The following GDNF variants were observed in gnomAD, a reference collection of about 807,000 sequenced individuals.
The protein encoded by GDNF is glial cell line-derived neurotrophic factor.
In GDNF, 5 loss-of-function variants were observed where a neutral mutation model predicts 13.7. The observed-to-expected ratio is 0.36, with a 90% CI of 0.19 to 0.77. The LOEUF is 0.77. GDNF is among the 30% of genes least tolerant of loss of function. The probability of loss-of-function intolerance (pLI) is 0.51; values close to 1 mark genes in which losing one functional copy is unlikely to be tolerated. For missense variants in GDNF, 246 were observed against 274.3 expected (o/e 0.90, Z 0.73); for synonymous variants, 122 against 112.5 (o/e 1.08, Z -0.53).
rs1390962853 is a variant in GDNF, at chr5:37,813,999, A to C, written c.*1652T>G. On this transcript the variant is annotated 3_prime_UTR_variant, in exon 3 of 3. Coordinates refer to ENST00000326524, the MANE Select transcript of GDNF (RefSeq NM_000514.4). ...AGGGAGCTGTCAGGTGTTTGGGTAT[A>C]TAGGAGCAGCAGCTGTTGACCCCCG... 2.0e-5 allele frequency: 3 copies of C among 152,742 alleles called. No individual in the cohort carries two copies. The East Asian group carries it at 5.8e-4, about 29-fold the overall frequency. The allele number at this position is 152,742 out of a possible 1,614,324, so 9.5% of individuals were successfully genotyped here.
rs1749870811 is a variant in GDNF, at chr5:37,815,330, CA to C, written c.*320del. ...GGTAATCAGTGATGGTGGACTGTATCAGCTGAAATGGTGGCAATAGCCAACC... is the reference window on the plus strand; with the variant it reads ...GGTAATCAGTGATGGTGGACTGTATCGCTGAAATGGTGGCAATAGCCAACC... On this transcript the variant is annotated 3_prime_UTR_variant, in exon 3 of 3. Transcript: ENST00000326524. The surrounding 1 kb of genome is among the most constrained non-coding windows in gnomAD (Gnocchi z 5.0). 2.3e-6 allele frequency: 1 copy of C among 434,800 alleles called. No homozygotes were observed. Among genetic ancestry groups the C allele is most frequent in the Admixed American group, 3.7e-5 (1 of 27,186 alleles). 26.9% of individuals were successfully genotyped at this position (434,800 alleles called of 1,614,324 possible).
At chr5:37,833,414 A>G (rs898762785) in intron 2 of GDNF, among the ~76,000 whole-genome samples, 10 of 152,268 alleles carry the variant, frequency 6.6e-5, no homozygotes, top group African/African-American at 2.4e-4. Flanking sequence ...AGGATTAACC[A>G]TGTTCCCTAA....
rs1000692685 is a variant in GDNF, at chr5:37,815,373, A to G, written c.*278T>C. The G allele has an allele frequency of 3.9e-6, 2 of 513,062 alleles. No homozygotes were observed. Among genetic ancestry groups the G allele is most frequent in the Non-Finnish European group, 7.1e-6 (2 of 282,744 alleles). The allele number at this position is 513,062 out of a possible 1,614,324, so 31.8% of individuals were successfully genotyped here. ...TAGCCAACCAGGAACATCAGCCCTG[A>G]GCTTCTAGTGACATCGGCTGCCATC... is the stretch of plus-strand genomic sequence containing the variant. On this transcript the variant is annotated 3_prime_UTR_variant, in exon 3 of 3. Transcript: ENST00000326524. This position sits in a 1 kb window ranked among gnomAD's most constrained non-coding sequence, Gnocchi z 5.0.
At chr5:37,819,879 TA>T (rs145804363) in intron 2 of GDNF, among the ~76,000 whole-genome samples, 2,518 of 151,112 alleles carry the variant, frequency 0.017, 25 homozygotes, top group Non-Finnish European at 0.027. Context: ...ACAATTGACT[TA>T]AAAAAAAATG....
chr5:37,835,315 TA>T, intron 1 of GDNF: 1 of 548,122 alleles, frequency 1.8e-6, no homozygotes, highest in Non-Finnish European at 2.9e-6. Context: ...TCTTTGGAAA[TA>T]AAATCAAGCG....
chr5:37,821,283 G>C (rs1315454976), intron 2 of GDNF, among the ~76,000 whole-genome samples: 1 of 152,200 alleles, frequency 6.6e-6, no homozygotes, highest in African/African-American at 2.4e-5. Context: ...GGGAAAAGAA[G>C]AGGGGTCTGG....
rs1750740581 is a variant in GDNF, at chr5:37,837,285, A to G, written c.-27+2222T>C. On this transcript the variant is annotated intron_variant, in intron 1 of 2. Transcript: ENST00000326524. This position sits in a 1 kb window ranked among gnomAD's most constrained non-coding sequence, Gnocchi z 6.5. The stretch of plus-strand genomic sequence containing the variant: ...CCATGGGCCTTTGCCCGCGGTGCAA[A>G]CTGCTTTACGCGCCGCCACGTGCGA... Among the ~76,000 whole-genome samples the G allele has an allele frequency of 6.6e-6, 1 of 151,824 alleles. No homozygotes were observed. The highest frequency in any genetic ancestry group is 1.5e-5 in the Non-Finnish European group (1 of 67,916).
At chr5:37,835,296 C>G (rs3812047) in intron 1 of GDNF, 4 of 452,802 alleles carry the variant, frequency 8.8e-6, no homozygotes, top group Non-Finnish European at 1.5e-5. Context: ...CAAGCAAGGA[C>G]GGTGTTTCTC....
intron 2 of GDNF, chr5:37,824,448 C>G (rs1561130745): frequency 6.6e-6 from 1 of 152,234 alleles, no homozygotes; most frequent in Non-Finnish European, 1.5e-5. Flanking sequence ...TGAAGCCAAT[C>G]TCTGGGCTGT....
chr5:37,834,752 G>A lies in GDNF; in HGVS notation c.45C>T (p.His15=). 6.2e-7 allele frequency: 1 copy of A among 1,612,846 alleles called. No individual in the cohort carries two copies. Among genetic ancestry groups the A allele is most frequent in the Non-Finnish European group, 8.5e-7 (1 of 1,179,574 alleles). The change falls in exon 2 of 3, where the codon CAC becomes CAT. Residue 15 remains histidine (H), a synonymous_variant. Transcript: ENST00000326524. Reference sequence around the variant, plus strand: ...CGGGCAGCGGGAAGGCGGACGCGGTGTGGAGCAGCACCAGGCAGACAGCCA... The same window carrying A: ...CGGGCAGCGGGAAGGCGGACGCGGTATGGAGCAGCACCAGGCAGACAGCCA... ...DVVAVCLVLL[H]TASAFPLPAG...
intron 1 of GDNF, among the ~76,000 whole-genome samples, chr5:37,836,816 A>G (rs531619501): frequency 2.0e-5 from 3 of 152,228 alleles, no homozygotes; most frequent in African/African-American, 7.2e-5. Flanking sequence ...CCGTCTTAAG[A>G]GGGTTTTCCC....
In GDNF at chr5:37,813,056, G is replaced by T. The variant is rs946282859; in HGVS notation, c.*2595C>A. On this transcript the variant is annotated 3_prime_UTR_variant, in exon 3 of 3. Coordinates refer to ENST00000326524, the MANE Select transcript of GDNF (RefSeq NM_000514.4). ...GAACAGTGGCCATCGCACTGCCAAG[G>T]TTCTCTGAATGGGACAGATGCCCCT... The T allele has an allele frequency of 6.6e-6, 1 of 152,210 alleles. No homozygotes were observed. Among genetic ancestry groups the T allele is most frequent in the African/African-American group, 2.4e-5 (1 of 41,430 alleles). 9.4% of individuals were successfully genotyped at this position (152,210 alleles called of 1,614,324 possible).
At chr5:37,835,940 A>C in intron 1 of GDNF, 11 of 472,648 alleles carry the variant, frequency 2.3e-5, no homozygotes, top group East Asian at 1.1e-4. Context: ...CACCCCTACA[A>C]AGGAGGGCCA....
rs1200112931 is a variant in GDNF, at chr5:37,839,257, TG to T, written c.-27+249del. On this transcript the variant is annotated intron_variant, in intron 1 of 2. Transcript: ENST00000326524. The surrounding 1 kb of genome is among the most constrained non-coding windows in gnomAD (Gnocchi z 5.5). ...TGGGCATTCCGGGTCCAGGCGCATC[TG>T]GGGCTCCACAGATCTTTGCCCACGT... Among the ~76,000 whole-genome samples, 4 of 152,198 alleles carry T rather than the reference TG, an allele frequency of 2.6e-5. No homozygotes were observed. Among genetic ancestry groups the T allele is most frequent in the African/African-American group, 9.6e-5 (4 of 41,462 alleles).
intron 2 of GDNF, among the ~76,000 whole-genome samples, chr5:37,820,913 T>C (rs1750115525): frequency 6.6e-6 from 1 of 151,878 alleles, no homozygotes; most frequent in Admixed American, 6.6e-5. Flanking sequence ...GCTGAAGGCT[T>C]TTTTTTCCTT....
At chr5:37,835,198 A>T (rs1383285632) in intron 1 of GDNF, among the ~76,000 whole-genome samples, 1 of 148,700 alleles carries the variant, frequency 6.7e-6, no homozygotes, top group African/African-American at 2.5e-5. Flanking sequence ...GCAATCGGGT[A>T]GTTCCCACCC....
intron 2 of GDNF, among the ~76,000 whole-genome samples, chr5:37,827,885 T>C (rs1275259840): frequency 1.3e-5 from 2 of 152,226 alleles, no homozygotes; most frequent in African/African-American, 4.8e-5. Flanking sequence ...TATTTAAACC[T>C]ATGATGAAAA....
rs1332145625 is a variant in GDNF at position 37,839,224 on chromosome 5, G to T, written c.-27+283C>A. Reference sequence around the variant, plus strand: ...CCTGGCCGAGTCGGGGAAGGAAACTGCCCCTCTTGGGCATTCCGGGTCCAG... The same window carrying T: ...CCTGGCCGAGTCGGGGAAGGAAACTTCCCCTCTTGGGCATTCCGGGTCCAG... On this transcript the variant is annotated intron_variant, in intron 1 of 2. Coordinates refer to ENST00000326524, the MANE Select transcript of GDNF (RefSeq NM_000514.4). The surrounding 1 kb of genome is among the most constrained non-coding windows in gnomAD (Gnocchi z 5.5). 2.6e-5 allele frequency among the ~76,000 whole-genome samples: 4 copies of T among 152,188 alleles called. No individual in the cohort carries two copies. Among genetic ancestry groups the T allele is most frequent in the African/African-American group, 9.7e-5 (4 of 41,450 alleles).
chr5:37,835,441 T>C (rs1226201533), intron 1 of GDNF: 3 of 1,443,656 alleles, frequency 2.1e-6, no homozygotes, highest in African/African-American at 1.4e-5. Context: ...ATAGGTATTC[T>C]GTTGCGAGAG....
Sources: allele counts gnomAD v4.1 joint callset (sites outside exome capture counted in the v4.1 genomes callset), GRCh38; gene constraint gnomAD v4.1.1; non-coding constraint Gnocchi (gnomAD v3.1); transcripts MANE v1.5; gene names NCBI Gene and HGNC (gene_info 2026-07-23, HGNC 2026-07-21).